ASAP1: variants seen among roughly 807,000 people sequenced by gnomAD.
ASAP1 encodes arf-GAP with SH3 domain, ANK repeat and PH domain-containing protein 1.
A neutral mutation model predicts 145.2 loss-of-function variants in ASAP1; 43 were observed. The ratio of observed to expected loss-of-function variants is 0.30; its 90% confidence interval spans 0.23 to 0.38. The LOEUF is 0.38. ASAP1 is among the 10% of genes least tolerant of loss of function. The pLI, the probability that ASAP1 is intolerant of heterozygous loss-of-function variation, is 1.00. For synonymous variants in ASAP1, 546 were observed against 515.5 expected (o/e 1.06, Z -0.80); for missense variants, 1,018 against 1,355.3 (o/e 0.75, Z 3.91).
chr8:130,305,596 A>G (rs932789547), intron 3 of ASAP1, among the ~76,000 whole-genome samples: 3 of 151,690 alleles, frequency 2.0e-5, no homozygotes, highest in Non-Finnish European at 4.4e-5. Flanking sequence ...TCTGGTCAGA[A>G]CTCCTGATCT....
intron 27 of ASAP1, among the ~76,000 whole-genome samples, chr8:130,066,344 C>T (rs1444378681): frequency 6.6e-6 from 1 of 152,186 alleles, no homozygotes. Context: ...GCACAGCCCA[C>T]CTGCCTCCTG....
At chr8:130,060,538 C>A (rs375420447) in intron 28 of ASAP1, 41 bp downstream of exon 28, 4 of 1,550,466 alleles carry the variant, frequency 2.6e-6, no homozygotes, top group Non-Finnish European at 3.5e-6. Flanking sequence ...TTGCAAAGTG[C>A]GGAATAGGGT....
At chr8:130,364,160 G>T (rs1376564211) in intron 2 of ASAP1, among the ~76,000 whole-genome samples, 1 of 152,012 alleles carries the variant, frequency 6.6e-6, no homozygotes, top group Admixed American at 6.5e-5. Context: ...GAAGAACATG[G>T]TTTGTTTGGA....
intron 14 of ASAP1, among the ~76,000 whole-genome samples, chr8:130,134,592 G>A (rs182944094): frequency 6.6e-6 from 1 of 152,152 alleles, no homozygotes; most frequent in African/African-American, 2.4e-5. Flanking sequence ...CTTACACAAG[G>A]TCACACGGCA....
chr8:130,205,315 A>G (rs1816135759), intron 5 of ASAP1, among the ~76,000 whole-genome samples: 1 of 151,826 alleles, frequency 6.6e-6, no homozygotes, highest in South Asian at 2.1e-4. Context: ...CAAGCTGAAA[A>G]TGCAATCCTA....
chr8:130,176,060 T>C (rs1813928682), intron 9 of ASAP1, among the ~76,000 whole-genome samples: 1 of 152,202 alleles, frequency 6.6e-6, no homozygotes, highest in African/African-American at 2.4e-5. Context: ...TGTCTGAAAT[T>C]GAGCAGTAAT....
chr8:130,052,687 C>A lies in ASAP1; in HGVS notation c.*2044G>T, dbSNP rs372200439. 404 of 149,846 alleles carry A rather than the reference C, an allele frequency of 2.7e-3. 4 individuals carry two copies. Among genetic ancestry groups the A allele is most frequent in the African/African-American group, 9.8e-3 (398 of 40,818 alleles). The allele number at this position is 149,846 out of a possible 1,614,324, so 9.3% of individuals were successfully genotyped here. On this transcript the variant is annotated 3_prime_UTR_variant, in exon 30 of 30. Coordinates refer to ENST00000518721, the MANE Select transcript of ASAP1 (RefSeq NM_018482.4). ...AAAGGGGAAAAAGAATAGACACTAA[C>A]TCCATGTAATTTTAGACATGCAGCT...
chr8:130,189,066 G>A (rs1814955781), intron 5 of ASAP1, among the ~76,000 whole-genome samples: 1 of 151,892 alleles, frequency 6.6e-6, no homozygotes, highest in Admixed American at 6.6e-5. Flanking sequence ...TTGTATTTAT[G>A]AAGTACATGT....
chr8:130,078,985 G>A (rs2135303899), intron 26 of ASAP1, among the ~76,000 whole-genome samples: 1 of 152,290 alleles, frequency 6.6e-6, no homozygotes, highest in African/African-American at 2.4e-5. Flanking sequence ...CTTGAGCCCA[G>A]AAGTTCAAGA....
At chr8:130,426,700 T>C (rs1452940125) in intron 1 of ASAP1, among the ~76,000 whole-genome samples, 1 of 152,224 alleles carries the variant, frequency 6.6e-6, no homozygotes, top group African/African-American at 2.4e-5. Context: ...CAAACTGCCG[T>C]GTGCTCACTC....
intron 1 of ASAP1, among the ~76,000 whole-genome samples, chr8:130,428,630 CCACT>C (rs1343823858): frequency 6.7e-6 from 1 of 149,034 alleles, no homozygotes; most frequent in Non-Finnish European, 1.5e-5. Context: ...ACCACCACCA[CCACT>C]GTCATCATCA....
intron 3 of ASAP1, among the ~76,000 whole-genome samples, chr8:130,270,224 A>G (rs1383795825): frequency 6.6e-6 from 1 of 152,196 alleles, no homozygotes; most frequent in African/African-American, 2.4e-5. Context: ...CATTTACAAT[A>G]AAGTACCAAG....
rs796912194 is a variant in ASAP1, at chr8:130,265,573, T to A, written c.187-28579A>T. Reference sequence around the variant, plus strand: ...GGGTAACAGAGTGAAACCCTGTCTTTAAAAAAAAAAAAAAAAAAAGGTCAG... The same window carrying A: ...GGGTAACAGAGTGAAACCCTGTCTTAAAAAAAAAAAAAAAAAAAAGGTCAG... On this transcript the variant is annotated intron_variant, in intron 3 of 29. Transcript: ENST00000518721. Among the ~76,000 whole-genome samples the A allele has an allele frequency of 9.5e-3, 1,137 of 119,484 alleles. 17 individuals are homozygous for A. The highest frequency in any genetic ancestry group is 0.034 in the African/African-American group (1,082 of 31,914). The allele number at this position is 119,484 out of a possible 152,430, so 78.4% of individuals were successfully genotyped here.
intron 4 of ASAP1, among the ~76,000 whole-genome samples, chr8:130,221,507 C>G (rs1039653038): frequency 1.3e-5 from 2 of 152,102 alleles, no homozygotes; most frequent in Non-Finnish European, 2.9e-5. Flanking sequence ...TTTATCTTCC[C>G]TATAATTTAC....
intron 13 of ASAP1, among the ~76,000 whole-genome samples, chr8:130,151,246 C>A (rs545464156): frequency 9.2e-5 from 14 of 151,778 alleles, no homozygotes; most frequent in African/African-American, 3.4e-4. Context: ...TGGTGGGCGC[C>A]TGTAGTCCCA....
chr8:130,421,735 A>G (rs1182147547), intron 1 of ASAP1, among the ~76,000 whole-genome samples: 3 of 152,174 alleles, frequency 2.0e-5, no homozygotes, highest in Non-Finnish European at 2.9e-5. Context: ...AGAAGGAAAA[A>G]CATTTCTTGT....
chr8:130,093,345 T>C (rs1000435505), intron 24 of ASAP1, among the ~76,000 whole-genome samples: 2 of 152,168 alleles, frequency 1.3e-5, no homozygotes, highest in African/African-American at 2.4e-5. Context: ...ACTGTGTTCA[T>C]GGCAAACTGC....
intron 8 of ASAP1, 43 bp from the exon 9 acceptor site, chr8:130,179,392 G>T: frequency 1.6e-6 from 2 of 1,269,998 alleles, no homozygotes; most frequent in East Asian, 2.3e-5. Context: ...AATTCCAGAT[G>T]GGGCTCTTCA....
At chr8:130,307,197 T>C (rs1171135772) in intron 3 of ASAP1, among the ~76,000 whole-genome samples, 1 of 151,190 alleles carries the variant, frequency 6.6e-6, no homozygotes, top group Non-Finnish European at 1.5e-5. Context: ...AAGGGAATTC[T>C]GTCTGTGCTT....
Sources: allele counts gnomAD v4.1 joint callset (sites outside exome capture counted in the v4.1 genomes callset), GRCh38; gene constraint gnomAD v4.1.1; transcripts MANE v1.5; gene names NCBI Gene and HGNC (gene_info 2026-07-23, HGNC 2026-07-21).